MYO16: variants seen among roughly 807,000 people sequenced by gnomAD.
MYO16 encodes the protein myosin XVI.
In MYO16, 94 loss-of-function variants were observed where a neutral mutation model predicts 205.3. That is an observed-to-expected ratio of 0.46 (90% CI 0.39 to 0.54). The LOEUF (loss-of-function observed/expected upper bound fraction) is 0.54. Ranked by LOEUF, MYO16 falls within the 20% of genes least tolerant of loss-of-function variation. The pLI is 0.00. For missense variants in MYO16, 2,315 were observed against 2,387.5 expected (o/e 0.97, Z 0.63); for synonymous variants, 988 against 954.0 (o/e 1.04, Z -0.66).
chr13:109,155,849 C>T (rs1877987301), intron 32 of MYO16, among the ~76,000 whole-genome samples: 1 of 152,186 alleles, frequency 6.6e-6, no homozygotes, highest in Admixed American at 6.5e-5. Flanking sequence ...ACTCTCTCTT[C>T]TTGAGTTTCA....
In MYO16 at chr13:109,207,907, TG is replaced by T. The variant is rs1472715561; in HGVS notation, c.*1073del. ...TCGGCTGTCGGAAAGTTCTGAGCAG[TG>T]GCTCCAGACCACCTTGTCTTGCTAC... On this transcript the variant is annotated 3_prime_UTR_variant, in exon 35 of 35. Transcript: ENST00000457511. 6.6e-6 allele frequency: 1 copy of T among 152,262 alleles called. No individual in the cohort carries two copies. The highest frequency in any genetic ancestry group is 1.5e-5 in the Non-Finnish European group (1 of 68,050). The allele number at this position is 152,262 out of a possible 1,614,324, so 9.4% of individuals were successfully genotyped here. A position where few individuals can be genotyped will look rare whatever the true frequency, so the allele number is the denominator to read the frequency against.
chr13:108,872,807 TA>T (rs1879132977), intron 12 of MYO16, among the ~76,000 whole-genome samples: 1 of 151,978 alleles, frequency 6.6e-6, no homozygotes, highest in African/African-American at 2.4e-5. Flanking sequence ...ATATATCAGG[TA>T]AAAGATGCAC....
chr13:108,784,672 G>A (rs1485676783), intron 4 of MYO16, among the ~76,000 whole-genome samples: 1 of 152,094 alleles, frequency 6.6e-6, no homozygotes, highest in Non-Finnish European at 1.5e-5. Flanking sequence ...TTATAAATTG[G>A]TATATAAGAA....
chr13:108,990,143 A>G (rs1056312091), intron 20 of MYO16, among the ~76,000 whole-genome samples: 1 of 87,016 alleles, frequency 1.1e-5, no homozygotes, highest in African/African-American at 4.3e-5. Flanking sequence ...CATCACACAG[A>G]CAATACACAC....
chr13:108,888,137 A>G (rs1395306759), intron 13 of MYO16, among the ~76,000 whole-genome samples: 1 of 152,210 alleles, frequency 6.6e-6, no homozygotes, highest in African/African-American at 2.4e-5. Context: ...CATCAGGGAC[A>G]TGACACAGTC....
At chr13:108,793,429 A>G in intron 5 of MYO16, 87 bp from the exon 6 acceptor site, 8 of 1,310,832 alleles carry the variant, frequency 6.1e-6, no homozygotes, top group Non-Finnish European at 8.4e-6. Flanking sequence ...AAACACATTG[A>G]AAGAATAGGT....
chr13:108,625,242 C>T (rs533317902), upstream of MYO16, among the ~76,000 whole-genome samples: 33 of 152,246 alleles, frequency 2.2e-4, no homozygotes, highest in African/African-American at 7.5e-4. Context: ...CTGTGGAGTC[C>T]TGAATCCGAG....
chr13:109,067,396 A>G (rs1455210107), intron 27 of MYO16, among the ~76,000 whole-genome samples: 1 of 152,148 alleles, frequency 6.6e-6, no homozygotes, highest in African/African-American at 2.4e-5. Flanking sequence ...TTCCTATTTT[A>G]CAGCTGAGAA....
intron 19 of MYO16, among the ~76,000 whole-genome samples, chr13:108,962,833 T>G (rs2085366986): frequency 6.6e-6 from 1 of 152,254 alleles, no homozygotes; most frequent in South Asian, 2.1e-4. Flanking sequence ...AACCTTTTCC[T>G]GCTACCTCAT....
chr13:108,575,539 C>T, the MYO16 span, among the ~76,000 whole-genome samples: 5 of 152,260 alleles, frequency 3.3e-5, no homozygotes, highest in Admixed American at 1.3e-4. Context: ...GCCCTTTGAA[C>T]CTTTCTCCCT....
At chr13:108,741,838 C>G (rs1884919776) in intron 4 of MYO16, among the ~76,000 whole-genome samples, 1 of 152,148 alleles carries the variant, frequency 6.6e-6, no homozygotes, top group South Asian at 2.1e-4. Flanking sequence ...TGATGGGTTT[C>G]TGCAATACAT....
chr13:108,599,835 T>C (rs1351168153), intron 1 of MYO16, among the ~76,000 whole-genome samples: 7 of 152,154 alleles, frequency 4.6e-5, no homozygotes, highest in African/African-American at 1.7e-4. Context: ...GGACATGAAA[T>C]GAGGTCCTTT....
intron 4 of MYO16, among the ~76,000 whole-genome samples, chr13:108,737,044 C>T (rs1454831363): frequency 6.6e-6 from 1 of 152,158 alleles, no homozygotes; most frequent in East Asian, 1.9e-4. Flanking sequence ...TGGGCTGAGA[C>T]AATGGGGTTT....
At chr13:109,025,224 A>G (rs1566469425) in intron 23 of MYO16, among the ~76,000 whole-genome samples, 1 of 152,160 alleles carries the variant, frequency 6.6e-6, no homozygotes, top group Non-Finnish European at 1.5e-5. Context: ...CTCCTGGATG[A>G]TATTGGCATC....
intron 3 of MYO16, 34 bp from the exon 4 acceptor site, chr13:108,727,406 A>G (rs1328274123): frequency 6.2e-7 from 1 of 1,600,532 alleles, no homozygotes; most frequent in Non-Finnish European, 8.5e-7. Context: ...ACAGTTTGTA[A>G]TAATTTGATA....
In MYO16 at chr13:109,049,926, C is replaced by CTGTGTGTG. The variant is rs35960970; in HGVS notation, c.2873-2330_2873-2323dup. 1.9e-3 allele frequency among the ~76,000 whole-genome samples: 203 copies of CTGTGTGTG among 105,974 alleles called. 2 individuals carry two copies. Among genetic ancestry groups the CTGTGTGTG allele is most frequent in the Non-Finnish European group, 3.1e-3 (154 of 49,500 alleles). The allele number at this position is 105,974 out of a possible 152,430, so 69.5% of individuals were successfully genotyped here. A position where few individuals can be genotyped will look rare whatever the true frequency, so the allele number is the denominator to read the frequency against. On this transcript the variant is annotated intron_variant, in intron 24 of 34. Transcript: ENST00000457511. ...TGTTCTCCTCTTTCCTTCCTTTGTC[C>CTGTGTGTG]TGTGTGTGTGTGTGTGTGTGTGTGT...
intron 28 of MYO16, among the ~76,000 whole-genome samples, chr13:109,118,299 C>T (rs1875823438): frequency 6.6e-6 from 1 of 152,202 alleles, no homozygotes; most frequent in Non-Finnish European, 1.5e-5. Context: ...AGGCCTCCTT[C>T]ATATCCCCAG....
At chr13:108,701,618 A>T (rs1883309326) in intron 2 of MYO16, among the ~76,000 whole-genome samples, 1 of 152,206 alleles carries the variant, frequency 6.6e-6, no homozygotes, top group Non-Finnish European at 1.5e-5. Flanking sequence ...AGCAGCACAA[A>T]CCAAACTAAA....
intron 28 of MYO16, among the ~76,000 whole-genome samples, chr13:109,105,085 CTG>C (rs1889081476): frequency 6.6e-6 from 1 of 152,228 alleles, no homozygotes; most frequent in Non-Finnish European, 1.5e-5. Context: ...GACAGACACT[CTG>C]TGCCTGGATG....
Sources: gnomAD v4.1 joint callset for allele counts (sites outside exome capture counted in the v4.1 genomes callset) on GRCh38, gnomAD v4.1.1 for gene constraint, MANE v1.5 for transcripts, NCBI Gene and HGNC (gene_info 2026-07-23, HGNC 2026-07-21) for gene names.